Variants in AOPEP observed in about 807,000 individuals in gnomAD.
AOPEP encodes the protein aminopeptidase O (putative), also known as aminopeptidase O.
In AOPEP, 77 loss-of-function variants were observed where a neutral mutation model predicts 98.1. The ratio of observed to expected loss-of-function variants is 0.78; its 90% CI spans 0.65 to 0.95. The LOEUF is 0.95. AOPEP is among the 40% of genes least tolerant of loss of function. The pLI, the probability that AOPEP is intolerant of heterozygous loss-of-function variation, is 0.00. For missense variants in AOPEP, 1,024 were observed against 1,024.7 expected (o/e 1.00, Z 0.01); for synonymous variants, 346 against 365.3 (o/e 0.95, Z 0.60).
intron 1 of AOPEP, among the ~76,000 whole-genome samples, chr9:94,740,149 G>C (rs1018939062): frequency 2.0e-5 from 3 of 152,102 alleles, no homozygotes; most frequent in African/African-American, 7.2e-5. Flanking sequence ...TTTTATTGGG[G>C]TTTCTGTGGG....
chr9:95,079,222 C>T (rs1235831849), intron 14 of AOPEP, among the ~76,000 whole-genome samples: 3 of 152,230 alleles, frequency 2.0e-5, no homozygotes, highest in African/African-American at 7.2e-5. Context: ...TGGTTTCTCT[C>T]CTTCAATCTT....
the AOPEP span, chr9:95,100,725 G>C: frequency 4.4e-6 from 1 of 227,416 alleles, no homozygotes; most frequent in Non-Finnish European, 8.7e-6. Context: ...CCACCTCCCG[G>C]GTTCAAGAGA....
At chr9:94,836,067 AT>A (rs1367545295) in intron 5 of AOPEP, among the ~76,000 whole-genome samples, 10 of 135,748 alleles carry the variant, frequency 7.4e-5, no homozygotes, top group African/African-American at 2.8e-4. Flanking sequence ...AATTTGGTTG[AT>A]TTTTGTTTCC....
intron 5 of AOPEP, among the ~76,000 whole-genome samples, chr9:94,917,247 T>A (rs2052969272): frequency 6.6e-6 from 1 of 151,588 alleles, no homozygotes; most frequent in Non-Finnish European, 1.5e-5. Context: ...CTGAGCCTTC[T>A]GTATGGTCTG....
the AOPEP span, among the ~76,000 whole-genome samples, chr9:95,115,266 A>G: frequency 6.6e-6 from 1 of 152,306 alleles, no homozygotes; most frequent in South Asian, 2.1e-4. Flanking sequence ...ATTCAGGTAC[A>G]TGGAAGTAGC....
intron 1 of AOPEP, among the ~76,000 whole-genome samples, chr9:94,757,652 G>T (rs1467581879): frequency 1.6e-4 from 24 of 152,198 alleles, no homozygotes; most frequent in Admixed American, 1.6e-3. Flanking sequence ...TATCTATAAT[G>T]TTAAAAATAC....
At chr9:94,832,363 A>G (rs1290177577) in intron 5 of AOPEP, among the ~76,000 whole-genome samples, 1 of 152,190 alleles carries the variant, frequency 6.6e-6, no homozygotes, top group Non-Finnish European at 1.5e-5. Flanking sequence ...AACTTCACTG[A>G]GATATCATTT....
chr9:94,958,293 A>G (rs555086612), intron 9 of AOPEP, among the ~76,000 whole-genome samples: 1 of 152,320 alleles, frequency 6.6e-6, no homozygotes, highest in East Asian at 1.9e-4. Context: ...TAATTCTTTC[A>G]TGAACATTTG....
At chr9:94,743,838 A>G (rs746626622) in intron 1 of AOPEP, among the ~76,000 whole-genome samples, 3 of 152,214 alleles carry the variant, frequency 2.0e-5, no homozygotes, top group Non-Finnish European at 4.4e-5. Context: ...GTTGACTCAA[A>G]CAGGGAAAAA....
intron 5 of AOPEP, among the ~76,000 whole-genome samples, chr9:94,898,300 A>G (rs1012233306): frequency 2.0e-5 from 3 of 152,106 alleles, no homozygotes; most frequent in Non-Finnish European, 2.9e-5. Context: ...TGCACCATTC[A>G]GTGGAATTCT....
chr9:94,768,822 A>G (rs1840220223), intron 2 of AOPEP, among the ~76,000 whole-genome samples: 2 of 152,136 alleles, frequency 1.3e-5, no homozygotes, highest in African/African-American at 2.4e-5. Context: ...TTTCCTTTGC[A>G]TGTTGGAAGG....
At chr9:94,919,512 C>A (rs1414914629) in intron 5 of AOPEP, among the ~76,000 whole-genome samples, 2 of 152,146 alleles carry the variant, frequency 1.3e-5, no homozygotes, top group Non-Finnish European at 2.9e-5. Flanking sequence ...AGAAGCATCT[C>A]CTACGTTAGG....
chr9:94,847,216 C>T (rs1166239542), intron 5 of AOPEP, among the ~76,000 whole-genome samples: 5 of 152,102 alleles, frequency 3.3e-5, no homozygotes, highest in Non-Finnish European at 7.4e-5. Context: ...CACATCCCCA[C>T]CCTCCCACCA....
At chr9:95,142,860 T>C in the AOPEP span, among the ~76,000 whole-genome samples, 6 of 152,154 alleles carry the variant, frequency 3.9e-5, no homozygotes, top group Admixed American at 3.9e-4. Context: ...ACACTCACTG[T>C]GTGGATTTTC....
rs554931692 is a variant in AOPEP, at chr9:94,987,869, G to A, written c.1977+8442G>A. 2.5e-3 allele frequency among the ~76,000 whole-genome samples: 377 copies of A among 152,296 alleles called. 2 individuals carry two copies. Among genetic ancestry groups the A allele is most frequent in the African/African-American group, 7.9e-3 (328 of 41,570 alleles). On this transcript the variant is annotated intron_variant, in intron 11 of 16. Transcript: ENST00000375315. The stretch of plus-strand genomic sequence containing the variant: ...ACACAGGGACTTGAATGTGATGCTA[G>A]AGAGTTCCTGCAGATTGAGTAGCCA...
chr9:94,866,929 G>C (rs141756414), intron 5 of AOPEP, among the ~76,000 whole-genome samples: 3 of 152,196 alleles, frequency 2.0e-5, no homozygotes, highest in African/African-American at 7.2e-5. Flanking sequence ...TCAAAATGTT[G>C]GTGTGAAATG....
At chr9:94,789,193 C>T (rs1010854375) in intron 3 of AOPEP, among the ~76,000 whole-genome samples, 4 of 152,152 alleles carry the variant, frequency 2.6e-5, no homozygotes, top group African/African-American at 2.4e-5. Context: ...TCTCTCTCTC[C>T]TTGTTGGTTC....
the AOPEP span, among the ~76,000 whole-genome samples, chr9:95,148,323 C>T: frequency 6.6e-6 from 1 of 152,214 alleles, no homozygotes; most frequent in Non-Finnish European, 1.5e-5. Context: ...ACAACTCTTT[C>T]AGCAGTGGGC....
At chr9:94,845,999 G>A (rs1375503672) in intron 5 of AOPEP, among the ~76,000 whole-genome samples, 1 of 152,010 alleles carries the variant, frequency 6.6e-6, no homozygotes, top group Non-Finnish European at 1.5e-5. Context: ...GGAGGCTGAA[G>A]CAGGAGAATC....
Sources: gnomAD v4.1 joint callset for allele counts (sites outside exome capture counted in the v4.1 genomes callset) on GRCh38, gnomAD v4.1.1 for gene constraint, MANE v1.5 for transcripts, NCBI Gene and HGNC (gene_info 2026-07-23, HGNC 2026-07-21) for gene names.